Variants in GXYLT2 observed in about 807,000 individuals in gnomAD.
GXYLT2 encodes the protein glucoside xylosyltransferase 2, also known as glycosyltransferase 8 domain containing 4.
In GXYLT2, 53 loss-of-function variants were observed where a neutral mutation model predicts 45.8. That is an observed-to-expected ratio of 1.16 (90% CI 0.93 to 1.46). The LOEUF (loss-of-function observed/expected upper bound fraction) is 1.46, where lower values mean the gene tolerates loss of function less well. Among genes scored for constraint, GXYLT2 ranks in the 40% most tolerant of loss-of-function variants. The pLI is 0.00. For missense variants in GXYLT2, 551 were observed against 544.4 expected (o/e 1.01, Z -0.12); for synonymous variants, 219 against 214.2 (o/e 1.02, Z -0.19).
chr3:72,938,903 A>T (rs1436495598), intron 3 of GXYLT2, among the ~76,000 whole-genome samples: 3 of 152,228 alleles, frequency 2.0e-5, no homozygotes, highest in Non-Finnish European at 2.9e-5. Context: ...AGAAGCAATC[A>T]GAATCTTGTT....
intron 3 of GXYLT2, among the ~76,000 whole-genome samples, chr3:72,944,540 G>A (rs1710367621): frequency 6.6e-6 from 1 of 151,960 alleles, no homozygotes; most frequent in South Asian, 2.1e-4. Context: ...CACCGCACCC[G>A]GCCCCAGCTG....
intron 5 of GXYLT2, among the ~76,000 whole-genome samples, chr3:72,960,428 TA>T (rs1710746373): frequency 1.3e-5 from 2 of 152,242 alleles, no homozygotes; most frequent in Non-Finnish European, 1.5e-5. Flanking sequence ...GCTTTGCAAT[TA>T]AACAGGAGTC....
chr3:72,888,554 G>A, intron 1 of GXYLT2, 46 bp downstream of exon 1: 1 of 1,148,178 alleles, frequency 8.7e-7, no homozygotes, highest in Non-Finnish European at 1.1e-6. Context: ...CCCGTGTCTC[G>A]CTCCCTACAC....
chr3:72,895,890 G>A (rs902520654), intron 1 of GXYLT2, among the ~76,000 whole-genome samples: 21 of 152,134 alleles, frequency 1.4e-4, no homozygotes, highest in Non-Finnish European at 2.8e-4. Flanking sequence ...ATGAGAGACT[G>A]TAATCTCATA....
intron 3 of GXYLT2, among the ~76,000 whole-genome samples, chr3:72,933,133 C>T (rs1710074419): frequency 6.6e-6 from 1 of 152,132 alleles, no homozygotes; most frequent in Non-Finnish European, 1.5e-5. Flanking sequence ...TTTTTTAGGA[C>T]TGATATGTAG....
chr3:72,943,368 TTC>T lies in GXYLT2; in HGVS notation c.601-11726_601-11725del, dbSNP rs1204639649. Among the ~76,000 whole-genome samples the T allele has an allele frequency of 4.0e-5, 6 of 151,872 alleles. No homozygotes were observed. The East Asian group carries it at 1.2e-3, about 29-fold the overall frequency. On this transcript the variant is annotated intron_variant, in intron 3 of 6. Coordinates refer to ENST00000389617, the MANE Select transcript of GXYLT2 (RefSeq NM_001080393.2). ...AAAAATGCAGTAATGGTATCTGTAT[TTC>T]TCTTTTTCCTTTTTTTTTTTTTTGG...
chr3:72,920,046 G>C (rs111250462), intron 2 of GXYLT2, among the ~76,000 whole-genome samples: 3 of 151,930 alleles, frequency 2.0e-5, no homozygotes, highest in African/African-American at 7.2e-5. Flanking sequence ...GAAGAGAGAG[G>C]CTATCTGGAA....
intron 3 of GXYLT2, among the ~76,000 whole-genome samples, chr3:72,931,407 T>C (rs112052376): frequency 0.033 from 5,068 of 151,966 alleles, 127 homozygotes; most frequent in Non-Finnish European, 0.051. Context: ...TTTTTTGTAT[T>C]TTTAGTAGAG....
intron 3 of GXYLT2, among the ~76,000 whole-genome samples, chr3:72,935,857 C>T (rs1370689888): frequency 2.6e-5 from 4 of 152,074 alleles, no homozygotes; most frequent in Non-Finnish European, 5.9e-5. Context: ...TTCTGTGAGT[C>T]TAATGTACTC....
At chr3:72,907,974 G>A (rs571096521) in intron 1 of GXYLT2, 1 of 165,092 alleles carries the variant, frequency 6.1e-6, no homozygotes, top group East Asian at 1.7e-4. Context: ...CACTCCTCTT[G>A]TTCAAGTTGC....
intron 5 of GXYLT2, among the ~76,000 whole-genome samples, chr3:72,964,300 A>T (rs1710819999): frequency 6.6e-6 from 1 of 151,920 alleles, no homozygotes; most frequent in Non-Finnish European, 1.5e-5. Flanking sequence ...GGTTGCAAAG[A>T]GAGAAAAGGT....
intron 3 of GXYLT2, among the ~76,000 whole-genome samples, chr3:72,923,220 A>C (rs1316363329): frequency 3.3e-5 from 5 of 152,060 alleles, no homozygotes; most frequent in Admixed American, 2.6e-4. Context: ...ACGCCACTGC[A>C]CTCCAGCCTG....
chr3:72,931,029 A>C (rs1226287424), intron 3 of GXYLT2, among the ~76,000 whole-genome samples: 2 of 152,152 alleles, frequency 1.3e-5, no homozygotes, highest in African/African-American at 4.8e-5. Flanking sequence ...CGTTCTTGTG[A>C]GTGCACATGA....
intron 1 of GXYLT2, among the ~76,000 whole-genome samples, chr3:72,900,576 A>G (rs1042344026): frequency 6.6e-6 from 1 of 151,850 alleles, no homozygotes; most frequent in African/African-American, 2.4e-5. Context: ...AACCACACCC[A>G]GCTACTTCTT....
chr3:72,964,344 A>T (rs919473845), intron 5 of GXYLT2, among the ~76,000 whole-genome samples: 1 of 151,288 alleles, frequency 6.6e-6, no homozygotes, highest in African/African-American at 2.4e-5. Flanking sequence ...TTTTTTTGAG[A>T]CAGAGTCTTG....
At chr3:72,906,980 G>A (rs989883244) in intron 1 of GXYLT2, among the ~76,000 whole-genome samples, 3 of 152,116 alleles carry the variant, frequency 2.0e-5, no homozygotes, top group African/African-American at 7.2e-5. Flanking sequence ...ACATCACCCT[G>A]GCACCAACCA....
rs1204787571 is a variant in GXYLT2, at chr3:72,888,074, T to TCGC, written c.-148_-146dup. On this transcript the variant is annotated 5_prime_UTR_variant, in exon 1 of 7. Coordinates refer to ENST00000389617, the MANE Select transcript of GXYLT2 (RefSeq NM_001080393.2). ...TCCTCTCTCTCCTCCTCCTTCGCCG[T>TCGC]CGCCGCCGCCGCCGGCCGCCCGCCG... 13 of 251,462 alleles carry TCGC rather than the reference T, an allele frequency of 5.2e-5. No homozygotes were observed. The highest frequency in any genetic ancestry group is 1.5e-4 in the South Asian group (1 of 6,708). 15.6% of individuals were successfully genotyped at this position (251,462 alleles called of 1,614,324 possible).
At chr3:72,939,278 C>A (rs1424569803) in intron 3 of GXYLT2, among the ~76,000 whole-genome samples, 1 of 152,060 alleles carries the variant, frequency 6.6e-6, no homozygotes, top group Non-Finnish European at 1.5e-5. Flanking sequence ...GAAACCCTGT[C>A]TCTACTAAAA....
intron 1 of GXYLT2, among the ~76,000 whole-genome samples, chr3:72,904,084 C>A (rs942121632): frequency 6.6e-6 from 1 of 152,172 alleles, no homozygotes; most frequent in African/African-American, 2.4e-5. Flanking sequence ...AGCAACAGGT[C>A]CTTAAAATTC....
Sources: gnomAD v4.1 joint callset for allele counts (sites outside exome capture counted in the v4.1 genomes callset) on GRCh38, gnomAD v4.1.1 for gene constraint, MANE v1.5 for transcripts, NCBI Gene and HGNC (gene_info 2026-07-23, HGNC 2026-07-21) for gene names.